Variants in RP1L1 observed in about 807,000 individuals in gnomAD.
RP1L1 encodes retinitis pigmentosa 1-like 1 protein.
In RP1L1, 27 loss-of-function variants were observed where a neutral mutation model predicts 15.7. The ratio of observed to expected loss-of-function variants is 1.72; its 90% confidence interval spans 1.27 to 2.38. The LOEUF is 2.38. Ranked by LOEUF, RP1L1 falls within the 30% of genes most tolerant of loss-of-function variation. RP1L1 has a pLI of 0.00. For synonymous variants in RP1L1, 1,813 were observed against 1,276.7 expected, an observed-to-expected ratio of 1.42 and a Z score of -8.96; for missense variants, 4,798 against 3,075.9, an observed-to-expected ratio of 1.56 and a Z score of -13.24.
intron 1 of RP1L1, among the ~76,000 whole-genome samples, chr8:10,652,694 G>T (rs1005644650): frequency 6.6e-6 from 1 of 151,740 alleles, no homozygotes; most frequent in Non-Finnish European, 1.5e-5. Flanking sequence ...TTTCAAAGTA[G>T]CCCACATCTG....
chr8:10,641,998 G>C (rs1798413990), intron 1 of RP1L1, among the ~76,000 whole-genome samples: 1 of 152,124 alleles, frequency 6.6e-6, no homozygotes, highest in Non-Finnish European at 1.5e-5. Context: ...TGTGATGATG[G>C]ACGTGCCCTG....
At chr8:10,625,897 G>A (rs1457470122) in intron 1 of RP1L1, among the ~76,000 whole-genome samples, 3 of 152,214 alleles carry the variant, frequency 2.0e-5, no homozygotes, top group East Asian at 1.9e-4. Context: ...GTGCAGGTGG[G>A]GGGCAGGCAG....
rs773965640 is a variant in RP1L1 at position 10,612,766 on chromosome 8, C to A, written c.1332G>T (p.Gly444=). The A allele has an allele frequency of 3.7e-6, 6 of 1,609,296 alleles. No individual in the cohort carries two copies. Among genetic ancestry groups the A allele is most frequent in the Non-Finnish European group, 5.1e-6 (6 of 1,179,920 alleles). Residue 444 remains glycine (G), a synonymous_variant, in exon 4 of 4, where the codon GGG becomes GGT. Coordinates refer to ENST00000382483, the MANE Select transcript of RP1L1 (RefSeq NM_178857.6). ...CACTGTCCTGGCTGCATCTCTCCCT[C>A]CCGGCAGTCCCGTGGCCCCACAGGC... ...CSGLWGHGTA[G]RERCSQDSAS... is the part of the protein sequence containing the mutation.
chr8:10,622,597 T>G lies in RP1L1; in HGVS notation c.605A>C (p.Lys202Thr). Residue 202 changes from lysine (K) to threonine (T), a missense_variant, in exon 2 of 4, where the codon AAA (lysine) becomes ACA (threonine). Coordinates refer to ENST00000382483, the MANE Select transcript of RP1L1 (RefSeq NM_178857.6). ...PVKQLYTTSG[K>T]KVDSLQALLH... ...CGTCAGACCCCAACAGCCTACCTTTTTCCCGCTGGTCGTGTACAACTGCTT... is the reference window on the plus strand; with the variant it reads ...CGTCAGACCCCAACAGCCTACCTTTGTCCCGCTGGTCGTGTACAACTGCTT... 1 of 1,614,184 alleles carries G rather than the reference T, an allele frequency of 6.2e-7. No homozygotes were observed.
At chr8:10,621,216 AT>A (rs1253568737) in intron 2 of RP1L1, 2 of 154,778 alleles carry the variant, frequency 1.3e-5, no homozygotes, top group African/African-American at 2.4e-5. Flanking sequence ...TGATAATGCG[AT>A]TGTGGGGAGA....
At chr8:10,645,234 G>C (rs968423535) in intron 1 of RP1L1, among the ~76,000 whole-genome samples, 2 of 152,160 alleles carry the variant, frequency 1.3e-5, no homozygotes, top group African/African-American at 4.8e-5. Flanking sequence ...GGCTGAGGCA[G>C]GAGGATCGCC....
intron 2 of RP1L1, among the ~76,000 whole-genome samples, chr8:10,622,363 G>C (rs1798074059): frequency 6.6e-6 from 1 of 150,664 alleles, no homozygotes; most frequent in South Asian, 2.1e-4. Context: ...GAGTACACAG[G>C]CACAATGCCT....
intron 1 of RP1L1, among the ~76,000 whole-genome samples, chr8:10,639,622 C>T (rs539096225): frequency 1.7e-4 from 26 of 152,294 alleles, no homozygotes; most frequent in Middle Eastern, 3.4e-3. Context: ...AGTCCTCTTG[C>T]CTCAGCGTCC....
Position 10,611,527 on chromosome 8 carries a change from G to C in RP1L1, c.2571C>G (p.Pro857=), listed in dbSNP as rs200905653. ...GCCTCTGGGGGCAGGGCCGCCCCCT[G>C]GGCGGGGTGGGACAGTACCTGCCAC... is the stretch of plus-strand genomic sequence containing the variant. The part of the protein sequence containing the change: ...WLCGRYCPTP[P]RGRPCPQRRS... The change falls in exon 4 of 4, where the codon CCC becomes CCG. Residue 857 remains proline, a synonymous_variant. Coordinates refer to ENST00000382483, the MANE Select transcript of RP1L1 (RefSeq NM_178857.6). 1.1e-5 allele frequency: 17 copies of C among 1,584,640 alleles called. No individual in the cohort carries two copies. In the Admixed American group the frequency reaches 1.8e-4, roughly 17 times the overall value.
intron 2 of RP1L1, among the ~76,000 whole-genome samples, chr8:10,620,333 C>T (rs143118720): frequency 9.5e-4 from 145 of 152,140 alleles, no homozygotes; most frequent in Middle Eastern, 6.8e-3. Context: ...GGGCTGGGTG[C>T]GGTGGCTCAC....
intron 1 of RP1L1, among the ~76,000 whole-genome samples, chr8:10,630,169 A>C (rs1798219569): frequency 6.6e-6 from 1 of 151,476 alleles, no homozygotes; most frequent in African/African-American, 2.4e-5. Context: ...TCCTCCCTTG[A>C]CCCCCAGCTG....
intron 1 of RP1L1, among the ~76,000 whole-genome samples, chr8:10,649,068 C>T (rs551651411): frequency 1.3e-3 from 204 of 152,342 alleles, no homozygotes; most frequent in African/African-American, 4.6e-3. Flanking sequence ...GGAGACTTCT[C>T]TGTGGAATAA....
intron 1 of RP1L1, among the ~76,000 whole-genome samples, chr8:10,648,060 C>T (rs1798505331): frequency 6.6e-6 from 1 of 151,398 alleles, no homozygotes; most frequent in South Asian, 2.1e-4. Context: ...TAGACAGAGT[C>T]TCACTCCGTT....
chr8:10,636,060 C>T (rs1330381277), intron 1 of RP1L1, among the ~76,000 whole-genome samples: 1 of 152,368 alleles, frequency 6.6e-6, no homozygotes, highest in East Asian at 1.9e-4. Context: ...CCTTCTGCAA[C>T]ATGCTAAAAT....
In RP1L1 at chr8:10,610,062, CTTCT is replaced by C. The variant is rs781394357; in HGVS notation, c.4032_4035del (p.Gly1346LysfsTer10). 44 of 1,470,016 alleles carry C rather than the reference CTTCT, an allele frequency of 3.0e-5. 3 individuals carry two copies. The South Asian group carries it at 5.1e-4, about 17-fold the overall frequency. 91.1% of individuals were successfully genotyped at this position (1,470,016 alleles called of 1,614,324 possible). On this transcript the variant is annotated frameshift_variant, in exon 4 of 4. Transcript: ENST00000382483. LOFTEE classifies it low-confidence loss of function (END_TRUNC). ...GCCTCTTCTTCTTGCTGTCCTTCTC[CTTCT>C]GTTTCTTTAGTTTCCTCTAACTGCA...
At chr8:10,634,015 C>A (rs896421447) in intron 1 of RP1L1, among the ~76,000 whole-genome samples, 8 of 152,146 alleles carry the variant, frequency 5.3e-5, no homozygotes, top group South Asian at 2.1e-4. Flanking sequence ...GCTCAAGTCA[C>A]CCTGATCCCC....
intron 1 of RP1L1, among the ~76,000 whole-genome samples, chr8:10,650,073 C>G (rs982940741): frequency 6.6e-6 from 1 of 152,166 alleles, no homozygotes; most frequent in Non-Finnish European, 1.5e-5. Context: ...AAAGTGTTTT[C>G]ATCCAAGAGA....
Position 10,609,275 on chromosome 8 carries a change from T to C in RP1L1, c.4823A>G (p.His1608Arg), listed in dbSNP as rs1585961415. 9 of 1,609,778 alleles carry C rather than the reference T, an allele frequency of 5.6e-6. No homozygotes were observed. Among genetic ancestry groups the C allele is most frequent in the Non-Finnish European group, 6.8e-6 (8 of 1,179,678 alleles). Reference protein sequence around the residue: ...ELLLQTQQRRHRLRGLRNLSA... With the variant: ...ELLLQTQQRRRRLRGLRNLSA... ...GAGGTTTCGCAGGCCCCGGAGACGG[T>C]GTCTGCGCTGCTGGGTCTGCAGGAG... Residue 1608 changes from histidine to arginine, a missense_variant, in exon 4 of 4, where the codon CAC (histidine) becomes CGC (arginine). Coordinates refer to ENST00000382483, the MANE Select transcript of RP1L1 (RefSeq NM_178857.6).
intron 1 of RP1L1, among the ~76,000 whole-genome samples, chr8:10,632,887 C>T (rs1798273504): frequency 6.6e-6 from 1 of 152,152 alleles, no homozygotes; most frequent in East Asian, 1.9e-4. Context: ...TTTAAGGATG[C>T]CCAGCCCATC....
Sources: allele counts gnomAD v4.1 joint callset (sites outside exome capture counted in the v4.1 genomes callset), GRCh38; gene constraint gnomAD v4.1.1; transcripts MANE v1.5; gene names NCBI Gene and HGNC (gene_info 2026-07-23, HGNC 2026-07-21).